The following CLDN10 variants were observed in gnomAD, a reference collection of about 807,000 sequenced individuals.
CLDN10 encodes the protein claudin-10.
A neutral mutation model predicts 22.9 loss-of-function variants in CLDN10; 15 were observed. The observed-to-expected ratio is 0.65, with a 90% confidence interval of 0.44 to 1.01. The LOEUF (loss-of-function observed/expected upper bound fraction) is 1.01. Ranked by LOEUF, CLDN10 falls within the 50% of genes least tolerant of loss-of-function variation. The pLI, the probability that CLDN10 is intolerant of heterozygous loss-of-function variation, is 0.00. For synonymous variants in CLDN10, 114 were observed against 111.4 expected (o/e 1.02, Z -0.15); for missense variants, 247 against 287.8 (o/e 0.86, Z 1.03).
intron 1 of CLDN10, among the ~76,000 whole-genome samples, chr13:95,531,139 C>T (rs1352904740): frequency 6.6e-6 from 1 of 151,842 alleles, no homozygotes; most frequent in Non-Finnish European, 1.5e-5. Flanking sequence ...AGGATGGTCT[C>T]GATCTCATGA....
At chr13:95,501,948 G>A (rs1340853138) in intron 1 of CLDN10, among the ~76,000 whole-genome samples, 1 of 151,780 alleles carries the variant, frequency 6.6e-6, no homozygotes, top group Non-Finnish European at 1.5e-5. Flanking sequence ...TATACTTCTT[G>A]GCATTTTAAA....
At chr13:95,552,684 C>G (rs2043579868), upstream of CLDN10, 4 of 1,478,222 alleles carry the variant, frequency 2.7e-6, no homozygotes, top group Non-Finnish European at 3.6e-6. Context: ...GGCGGAGCCC[C>G]GGGGTTGGGA....
intron 1 of CLDN10, among the ~76,000 whole-genome samples, chr13:95,539,069 G>A (rs1239685009): frequency 6.6e-6 from 1 of 152,102 alleles, no homozygotes; most frequent in African/African-American, 2.4e-5. Flanking sequence ...TGTAGAGATG[G>A]GGTTTCACCA....
chr13:95,477,391 G>A (rs917393506), intron 1 of CLDN10, among the ~76,000 whole-genome samples: 2 of 152,170 alleles, frequency 1.3e-5, no homozygotes, highest in Admixed American at 6.5e-5. Flanking sequence ...TAGTGGCCTG[G>A]AGTGTGAGAG....
chr13:95,470,599 A>T (rs1014455783), intron 1 of CLDN10, among the ~76,000 whole-genome samples: 1 of 152,230 alleles, frequency 6.6e-6, no homozygotes, highest in Non-Finnish European at 1.5e-5. Flanking sequence ...AGAATAAGGC[A>T]TAGTGAGCCC....
At chr13:95,549,005 G>A (rs2043537921), upstream of CLDN10, among the ~76,000 whole-genome samples, 1 of 152,180 alleles carries the variant, frequency 6.6e-6, no homozygotes, top group Non-Finnish European at 1.5e-5. Flanking sequence ...GGGTGGGGGG[G>A]ATCCTCTATT....
At chr13:95,441,994 T>C (rs1203782595) in intron 1 of CLDN10, among the ~76,000 whole-genome samples, 1 of 151,934 alleles carries the variant, frequency 6.6e-6, no homozygotes, top group East Asian at 1.9e-4. Context: ...CTACAAAAAG[T>C]ACAAAAATTA....
In CLDN10 at chr13:95,533,183, A is replaced by T. The variant is rs1362696572; in HGVS notation, c.215-26949A>T. Among the ~76,000 whole-genome samples, 5 of 150,738 alleles carry T rather than the reference A, an allele frequency of 3.3e-5. No individual in the cohort carries two copies. The East Asian group carries it at 9.7e-4, about 29-fold the overall frequency. On this transcript the variant is annotated intron_variant, in intron 1 of 4. Coordinates refer to the CLDN10 transcript ENST00000376873. ...TGCTGAAGGATTTAGGAGAAATTGTACTGAGGCCTGCAATTTATTTTTAAA... is the reference window on the plus strand; with the variant it reads ...TGCTGAAGGATTTAGGAGAAATTGTTCTGAGGCCTGCAATTTATTTTTAAA...
At position 95,488,950 on chromosome 13, in the gene CLDN10, C is replaced by CTTTTTTTTTTTTT. The variant is rs58919737; in HGVS notation, c.214+54911_214+54923dup. Among the ~76,000 whole-genome samples, 17 of 110,702 alleles carry CTTTTTTTTTTTTT rather than the reference C, an allele frequency of 1.5e-4. 1 individual carries two copies. The highest frequency in any genetic ancestry group is 2.2e-4 in the Non-Finnish European group (13 of 58,048). The allele number at this position is 110,702 out of a possible 152,430, so 72.6% of individuals were successfully genotyped here. A position where few individuals can be genotyped will look rare whatever the true frequency, so the allele number is the denominator to read the frequency against. ...TCAAATCATAGTTCTACTTTTTGTT[C>CTTTTTTTTTTTTT]TTTTTTTTTTTTTTTTTTTTGAAAC... is the stretch of plus-strand genomic sequence containing the variant. On this transcript the variant is annotated intron_variant, in intron 1 of 4. Coordinates refer to the CLDN10 transcript ENST00000376873.
intron 1 of CLDN10, among the ~76,000 whole-genome samples, chr13:95,473,065 A>G (rs2042651285): frequency 6.6e-6 from 1 of 150,928 alleles, no homozygotes; most frequent in Non-Finnish European, 1.5e-5. Context: ...GTTTAAGCCC[A>G]GGAGTTTGAG....
chr13:95,483,380 A>G (rs1391201986), intron 1 of CLDN10, among the ~76,000 whole-genome samples: 4 of 151,460 alleles, frequency 2.6e-5, no homozygotes, highest in African/African-American at 9.7e-5. Context: ...CTTTTTTATT[A>G]AAATTTTTTG....
At chr13:95,546,827 C>T (rs1246766180) in intron 1 of CLDN10, among the ~76,000 whole-genome samples, 1 of 152,164 alleles carries the variant, frequency 6.6e-6, no homozygotes, top group East Asian at 1.9e-4. Flanking sequence ...CTCAGCTTCT[C>T]GTCCCAGTGC....
At chr13:95,482,414 A>G (rs1335482815) in intron 1 of CLDN10, among the ~76,000 whole-genome samples, 1 of 152,162 alleles carries the variant, frequency 6.6e-6, no homozygotes, top group Admixed American at 6.5e-5. Context: ...GTGCTGATCT[A>G]CAAAGCCCAC....
chr13:95,484,569 G>A (rs1321985945), intron 1 of CLDN10, among the ~76,000 whole-genome samples: 2 of 152,072 alleles, frequency 1.3e-5, no homozygotes, highest in South Asian at 2.1e-4. Flanking sequence ...GAGGCCAGGT[G>A]TGGTGGCTCA....
intron 1 of CLDN10, among the ~76,000 whole-genome samples, chr13:95,521,086 A>T (rs2043220100): frequency 1.4e-5 from 2 of 141,258 alleles, no homozygotes; most frequent in African/African-American, 5.5e-5. Context: ...TTTTCTGTAG[A>T]TTCTCTTGGA....
rs115993198 is a variant in CLDN10 at position 95,494,285 on chromosome 13, C to A, written c.214+60238C>A. Among the ~76,000 whole-genome samples the A allele has an allele frequency of 6.1e-3, 925 of 152,194 alleles. 12 individuals carry two copies. The highest frequency in any genetic ancestry group is 0.021 in the African/African-American group (892 of 41,528). ...TACTACATTTCACCAATAGGTGGCA[C>A]GAATAATCATGACATTTGCTAAATC... is the stretch of plus-strand genomic sequence containing the variant. On this transcript the variant is annotated intron_variant, in intron 1 of 4. Transcript: ENST00000376873.
At chr13:95,560,058 A>C in intron 1 of CLDN10, 74 bp from the exon 2 acceptor site, 2 of 1,358,818 alleles carry the variant, frequency 1.5e-6, no homozygotes, top group Non-Finnish European at 1.0e-6. Context: ...ATCCAGAATG[A>C]CAACGTAAAA....
intron 1 of CLDN10, among the ~76,000 whole-genome samples, chr13:95,491,716 A>AT (rs928976501): frequency 7.2e-5 from 11 of 151,946 alleles, no homozygotes; most frequent in East Asian, 1.9e-4. Flanking sequence ...AACTAGTGTG[A>AT]TTTTTTGGGG....
At chr13:95,487,519 C>G (rs1000660037) in intron 1 of CLDN10, among the ~76,000 whole-genome samples, 1 of 152,054 alleles carries the variant, frequency 6.6e-6, no homozygotes, top group Non-Finnish European at 1.5e-5. Flanking sequence ...CCCTCCTAGA[C>G]CAGGAGTTTC....
Sources: allele counts gnomAD v4.1 joint callset (sites outside exome capture counted in the v4.1 genomes callset), GRCh38; gene constraint gnomAD v4.1.1; transcripts MANE v1.5; gene names NCBI Gene and HGNC (gene_info 2026-07-23, HGNC 2026-07-21).